PTPRG: variants seen among roughly 807,000 people sequenced by gnomAD.
The protein encoded by PTPRG is protein tyrosine phosphatase receptor type G.
PTPRG carries 102 observed loss-of-function variants against 165.3 expected under a neutral mutation model. That is an observed-to-expected ratio of 0.62 (90% CI 0.53 to 0.73). The LOEUF (loss-of-function observed/expected upper bound fraction) is 0.73, where lower values mean the gene tolerates loss of function less well. PTPRG is among the 30% of genes least tolerant of loss of function. The pLI is 0.00. For missense variants in PTPRG, 1,866 were observed against 1,861.4 expected (o/e 1.00, Z -0.05); for synonymous variants, 675 against 669.5 (o/e 1.01, Z -0.13).
At chr3:61,680,861 ACC>A (rs1703418022) in intron 1 of PTPRG, among the ~76,000 whole-genome samples, 1 of 125,524 alleles carries the variant, frequency 8.0e-6, no homozygotes, top group Non-Finnish European at 1.8e-5. Flanking sequence ...GGTGTTGGGA[ACC>A]TGTATATGGC....
At chr3:62,257,293 T>G (rs1701559342) in intron 16 of PTPRG, among the ~76,000 whole-genome samples, 1 of 152,208 alleles carries the variant, frequency 6.6e-6, no homozygotes, top group East Asian at 1.9e-4. Flanking sequence ...CATAAGAAGC[T>G]ATTACGGCTA....
At chr3:61,670,416 AC>A (rs2107064169) in intron 1 of PTPRG, among the ~76,000 whole-genome samples, 1 of 152,298 alleles carries the variant, frequency 6.6e-6, no homozygotes, top group Non-Finnish European at 1.5e-5. Context: ...TCTTAAGAGC[AC>A]CTTGCCTTGT....
intron 2 of PTPRG, among the ~76,000 whole-genome samples, chr3:61,964,925 A>G (rs2040234000): frequency 6.6e-6 from 1 of 152,092 alleles, no homozygotes; most frequent in African/African-American, 2.4e-5. Context: ...AAATCCAATC[A>G]AAATGATATA....
At chr3:61,691,854 A>T (rs536181462) in intron 1 of PTPRG, among the ~76,000 whole-genome samples, 1 of 133,628 alleles carries the variant, frequency 7.5e-6, no homozygotes, top group African/African-American at 2.9e-5. Flanking sequence ...GCACAGTATA[A>T]TCATGTTAAA....
At chr3:62,093,398 G>A (rs1395088543) in intron 5 of PTPRG, among the ~76,000 whole-genome samples, 3 of 152,168 alleles carry the variant, frequency 2.0e-5, no homozygotes, top group South Asian at 4.1e-4. Flanking sequence ...ATAGTGAACG[G>A]CAGGAAGCCA....
chr3:62,250,975 G>T (rs1353877125), intron 15 of PTPRG, among the ~76,000 whole-genome samples: 4 of 152,130 alleles, frequency 2.6e-5, no homozygotes, highest in Admixed American at 1.3e-4. Flanking sequence ...ATAACAATAA[G>T]CCCACCTCTT....
At chr3:62,221,190 ATATCT>A (rs1700643019) in intron 13 of PTPRG, among the ~76,000 whole-genome samples, 1 of 152,210 alleles carries the variant, frequency 6.6e-6, no homozygotes, top group Non-Finnish European at 1.5e-5. Context: ...GAATTGAATA[ATATCT>A]TAATATTTCC....
rs568381201 is a variant in PTPRG, at chr3:62,222,206, GA to G, written c.2288+3233del. Among the ~76,000 whole-genome samples, 20 of 149,818 alleles carry G rather than the reference GA, an allele frequency of 1.3e-4. No homozygotes were observed. The highest frequency in any genetic ancestry group is 4.2e-4 in the South Asian group (2 of 4,720). On this transcript the variant is annotated intron_variant, in intron 13 of 29. Coordinates refer to ENST00000474889, the MANE Select transcript of PTPRG (RefSeq NM_002841.4). This position sits in a 1 kb window ranked among gnomAD's most constrained non-coding sequence, Gnocchi z 4.5. ...TTCAAAATGCCTTAAAGCTCAAGGG[GA>G]AAAAAAAAAGTTTGATTCATGGAAT...
intron 5 of PTPRG, among the ~76,000 whole-genome samples, chr3:62,119,086 T>C (rs1181281765): frequency 6.6e-6 from 1 of 152,186 alleles, no homozygotes; most frequent in Non-Finnish European, 1.5e-5. Flanking sequence ...CTCAGGGAGC[T>C]TCTGGTCCAG....
chr3:62,107,987 C>T (rs1702531673), intron 5 of PTPRG, among the ~76,000 whole-genome samples: 1 of 152,034 alleles, frequency 6.6e-6, no homozygotes, highest in African/African-American at 2.4e-5. Flanking sequence ...ACAAGTTTGC[C>T]TTTTCTTGCC....
At position 62,224,209 on chromosome 3, in the gene PTPRG, C is replaced by T. The variant is rs1700712257; in HGVS notation, c.2288+5226C>T. Among the ~76,000 whole-genome samples the T allele has an allele frequency of 6.6e-6, 1 of 152,186 alleles. No homozygotes were observed. Among genetic ancestry groups the T allele is most frequent in the Admixed American group, 6.5e-5 (1 of 15,276 alleles). ...GGAAACAACTCTGAAGCCCAGTGGC[C>T]AGCCTCATTAATTCCAGGTTGGCTG... On this transcript the variant is annotated intron_variant, in intron 13 of 29. Coordinates refer to ENST00000474889, the MANE Select transcript of PTPRG (RefSeq NM_002841.4). The surrounding 1 kb of genome is among the most constrained non-coding windows in gnomAD (Gnocchi z 4.9).
intron 10 of PTPRG, among the ~76,000 whole-genome samples, chr3:62,198,508 A>C (rs902595237): frequency 1.3e-5 from 2 of 152,212 alleles, no homozygotes; most frequent in African/African-American, 2.4e-5. Context: ...ATGGGGGTTT[A>C]TATGCTTCTT....
At position 61,905,589 on chromosome 3, in the gene PTPRG, A is replaced by G. The variant is rs558110853; in HGVS notation, c.191-84036A>G. Among the ~76,000 whole-genome samples, 63 of 152,352 alleles carry G rather than the reference A, an allele frequency of 4.1e-4. 1 individual carries two copies. Among genetic ancestry groups the G allele is most frequent in the Middle Eastern group, 6.8e-3 (2 of 294 alleles). On this transcript the variant is annotated intron_variant, in intron 2 of 29. Coordinates refer to ENST00000474889, the MANE Select transcript of PTPRG (RefSeq NM_002841.4). ...GACACGTAACACAAATTCAATCCCC[A>G]GGAGTATTTAAGCATCTCCGGAGCA...
At chr3:62,208,080 G>A (rs960687590) in intron 12 of PTPRG, among the ~76,000 whole-genome samples, 1 of 152,190 alleles carries the variant, frequency 6.6e-6, no homozygotes, top group Admixed American at 6.5e-5. Flanking sequence ...CCTGGGCCAG[G>A]TAGGAACCGC....
chr3:61,720,541 C>T (rs1321685676), intron 1 of PTPRG, among the ~76,000 whole-genome samples: 3 of 152,166 alleles, frequency 2.0e-5, no homozygotes, highest in African/African-American at 7.2e-5. Flanking sequence ...AACCAACTCC[C>T]AGATGAAAAA....
At chr3:61,681,259 T>C (rs1226661495) in intron 1 of PTPRG, among the ~76,000 whole-genome samples, 1 of 152,186 alleles carries the variant, frequency 6.6e-6, no homozygotes, top group South Asian at 2.1e-4. Flanking sequence ...AATAGGCAGT[T>C]AATAATGCCA....
At chr3:61,562,947 T>G (rs906492256) in intron 1 of PTPRG, among the ~76,000 whole-genome samples, 2 of 151,762 alleles carry the variant, frequency 1.3e-5, no homozygotes, top group Non-Finnish European at 2.9e-5. Flanking sequence ...GGGGGCGTCC[T>G]CCCTCTCTCT....
At chr3:62,054,453 G>A (rs1700566745) in intron 4 of PTPRG, among the ~76,000 whole-genome samples, 1 of 152,142 alleles carries the variant, frequency 6.6e-6, no homozygotes, top group South Asian at 2.1e-4. Context: ...TGAGTAGCTT[G>A]CTGTTTTCTA....
chr3:62,141,242 A>G (rs1301327788), intron 6 of PTPRG, among the ~76,000 whole-genome samples: 3 of 152,158 alleles, frequency 2.0e-5, no homozygotes, highest in African/African-American at 7.2e-5. Flanking sequence ...GTTTGGCAGT[A>G]TCTAGTAAAA....
Sources: allele counts gnomAD v4.1 joint callset (sites outside exome capture counted in the v4.1 genomes callset), GRCh38; gene constraint gnomAD v4.1.1; non-coding constraint Gnocchi (gnomAD v3.1); transcripts MANE v1.5; gene names NCBI Gene and HGNC (gene_info 2026-07-23, HGNC 2026-07-21).